Variants in RHEX observed in about 807,000 individuals in gnomAD.
The protein encoded by RHEX is regulator of hemoglobinization and erythroid cell expansion.
RHEX carries 18 observed loss-of-function variants against 20.1 expected under a neutral mutation model. The ratio of observed to expected loss-of-function variants is 0.90; its 90% CI spans 0.62 to 1.33. The LOEUF is 1.33. Among genes scored for constraint, RHEX ranks in the 40% most tolerant of loss-of-function variants. RHEX has a pLI of 0.00. For synonymous variants in RHEX, 87 were observed against 77.1 expected, an observed-to-expected ratio of 1.13 and a Z score of -0.67; for missense variants, 192 against 214.3, an observed-to-expected ratio of 0.90 and a Z score of 0.65.
rs148314386 is a variant in RHEX at position 206,078,368 on chromosome 1, C to T, written c.-96-19365C>T. Among the ~76,000 whole-genome samples, 22 of 152,036 alleles carry T rather than the reference C, an allele frequency of 1.4e-4. No homozygotes were observed. In the East Asian group the frequency reaches 3.5e-3, roughly 24 times the overall value. On this transcript the variant is annotated intron_variant, in intron 1 of 5. Coordinates refer to ENST00000331555, the MANE Select transcript of RHEX (RefSeq NM_001007544.4). ...CAGCTTAGGCAACATAGTGAGACCT[C>T]GTAGCTACAAAACATTTTTTAAAAT...
At chr1:206,068,673 G>A (rs114450973) in intron 1 of RHEX, among the ~76,000 whole-genome samples, 306 of 152,242 alleles carry the variant, frequency 2.0e-3, no homozygotes, top group African/African-American at 7.1e-3. Context: ...AAGGGATTGA[G>A]CCAATTGTAT....
At chr1:206,053,819 C>T (rs1662119535) in intron 1 of RHEX, among the ~76,000 whole-genome samples, 1 of 152,206 alleles carries the variant, frequency 6.6e-6, no homozygotes, top group Admixed American at 6.5e-5. Flanking sequence ...GCTTTTATAC[C>T]CCCTTGCCCC....
At chr1:206,094,567 ATTC>A (rs1388934678) in intron 1 of RHEX, among the ~76,000 whole-genome samples, 1 of 152,254 alleles carries the variant, frequency 6.6e-6, no homozygotes, top group Middle Eastern at 3.2e-3. Flanking sequence ...GGAAACTATT[ATTC>A]TTCTCACTTT....
chr1:206,085,687 T>C (rs1662824410), intron 1 of RHEX, among the ~76,000 whole-genome samples: 1 of 152,230 alleles, frequency 6.6e-6, no homozygotes, highest in Non-Finnish European at 1.5e-5. Context: ...TTTATCTAGT[T>C]GAGGCTCAAA....
chr1:206,096,260 T>C (rs1382325157), intron 1 of RHEX, among the ~76,000 whole-genome samples: 1 of 152,196 alleles, frequency 6.6e-6, no homozygotes, highest in Non-Finnish European at 1.5e-5. Flanking sequence ...AAGCTTTGAG[T>C]GTAGTATTGG....
At chr1:206,082,305 CA>C (rs1418168487) in intron 1 of RHEX, among the ~76,000 whole-genome samples, 1 of 151,958 alleles carries the variant, frequency 6.6e-6, no homozygotes, top group African/African-American at 2.4e-5. Flanking sequence ...AGCACGATGT[CA>C]GGAGTTTGAG....
At chr1:206,056,131 T>C (rs1553282592) in intron 1 of RHEX, among the ~76,000 whole-genome samples, 8 of 152,108 alleles carry the variant, frequency 5.3e-5, no homozygotes. Flanking sequence ...TTCCTCCCGG[T>C]GTCAGAGAGC....
At chr1:206,087,656 T>A (rs1553286544) in intron 1 of RHEX, among the ~76,000 whole-genome samples, 1 of 152,168 alleles carries the variant, frequency 6.6e-6, no homozygotes, top group African/African-American at 2.4e-5. Flanking sequence ...ATTCAGACAT[T>A]TAGGTGATCA....
chr1:206,053,576 C>A lies in RHEX; in HGVS notation c.-97+311C>A, dbSNP rs541433004. Among the ~76,000 whole-genome samples the A allele has an allele frequency of 2.1e-4, 32 of 152,174 alleles. No individual in the cohort carries two copies. The South Asian group carries it at 3.7e-3, about 18-fold the overall frequency. On this transcript the variant is annotated intron_variant, in intron 1 of 5. Transcript: ENST00000331555. Reference sequence around the variant, plus strand: ...CATGGGTCAGGTACAAATAAGCCCACCCCACTAGGAACTATGTTAAAAAAA... The same window carrying A: ...CATGGGTCAGGTACAAATAAGCCCAACCCACTAGGAACTATGTTAAAAAAA...
chr1:206,095,847 T>C, intron 1 of RHEX, among the ~76,000 whole-genome samples: 1 of 151,982 alleles, frequency 6.6e-6, no homozygotes, highest in East Asian at 1.9e-4. Flanking sequence ...TTTTTTTTTT[T>C]TGATACAGGA....
intron 1 of RHEX, among the ~76,000 whole-genome samples, chr1:206,097,461 A>C (rs28689766): frequency 0.48 from 73,426 of 152,030 alleles, 20,525 homozygotes; most frequent in African/African-American, 0.78. Context: ...TGAATCTATA[A>C]CAAATAAGGA....
At chr1:206,088,429 T>C (rs1662879678) in intron 1 of RHEX, among the ~76,000 whole-genome samples, 1 of 152,182 alleles carries the variant, frequency 6.6e-6, no homozygotes, top group Non-Finnish European at 1.5e-5. Flanking sequence ...ACACCTGTAA[T>C]CCCAGCACTT....
intron 1 of RHEX, among the ~76,000 whole-genome samples, chr1:206,091,827 A>G (rs1252497266): frequency 6.6e-6 from 1 of 152,168 alleles, no homozygotes; most frequent in Non-Finnish European, 1.5e-5. Context: ...TCCTGGGCTA[A>G]CTTCTTGATA....
chr1:206,058,547 A>G (rs2102303679), intron 1 of RHEX, among the ~76,000 whole-genome samples: 1 of 152,394 alleles, frequency 6.6e-6, no homozygotes, highest in South Asian at 2.1e-4. Flanking sequence ...GCCAGGCCCA[A>G]AACCAGGCCT....
chr1:206,066,095 A>G (rs1331384687), intron 1 of RHEX, among the ~76,000 whole-genome samples: 2 of 152,248 alleles, frequency 1.3e-5, no homozygotes, highest in Admixed American at 1.3e-4. Context: ...GAGTTTGGGA[A>G]TCAGTGACTG....
chr1:206,058,452 CATATTGTTTT>C (rs199726751), intron 1 of RHEX, among the ~76,000 whole-genome samples: 4,011 of 152,238 alleles, frequency 0.026, 181 homozygotes, highest in African/African-American at 0.087. Context: ...GAGACCCTCT[CATATTGTTTT>C]ATATTGTTTT....
rs150926403 is a variant in RHEX at position 206,102,327 on chromosome 1, G to C, written c.*375G>C. ...CCCCAGGGAAAATTTTAAAAAGGTT[G>C]AATCAGCTGTTGTAGAGTTCTATTT... On this transcript the variant is annotated 3_prime_UTR_variant, in exon 6 of 6. Coordinates refer to ENST00000331555, the MANE Select transcript of RHEX (RefSeq NM_001007544.4). The C allele has an allele frequency of 6.5e-5, 14 of 216,564 alleles. No individual in the cohort carries two copies. The East Asian group carries it at 1.1e-3, about 17-fold the overall frequency. 13.4% of individuals were successfully genotyped at this position (216,564 alleles called of 1,614,324 possible).
intron 1 of RHEX, among the ~76,000 whole-genome samples, chr1:206,064,719 G>A (rs1300368398): frequency 4.0e-5 from 6 of 151,464 alleles, no homozygotes; most frequent in Admixed American, 3.9e-4. Flanking sequence ...CTGCCCGGCC[G>A]CCCCTGCTGG....
chr1:206,086,703 C>A (rs1176590937), intron 1 of RHEX, among the ~76,000 whole-genome samples: 1 of 152,124 alleles, frequency 6.6e-6, no homozygotes, highest in South Asian at 2.1e-4. Context: ...AAACACAAGA[C>A]GTGTGAGTTA....
Sources: allele counts gnomAD v4.1 joint callset (sites outside exome capture counted in the v4.1 genomes callset), GRCh38; gene constraint gnomAD v4.1.1; transcripts MANE v1.5; gene names NCBI Gene and HGNC (gene_info 2026-07-23, HGNC 2026-07-21).